The following SIX5 variants were observed in gnomAD, a reference collection of about 807,000 sequenced individuals.
SIX5 encodes SIX homeobox 5.
Under a neutral mutation model 37.1 loss-of-function variants are expected in SIX5, and 21 were observed. The ratio of observed to expected loss-of-function variants is 0.57; its 90% CI spans 0.40 to 0.81. The LOEUF (loss-of-function observed/expected upper bound fraction) is 0.81. Ranked by LOEUF, SIX5 falls within the 40% of genes least tolerant of loss-of-function variation. The probability of loss-of-function intolerance (pLI) is 0.00; values close to 1 mark genes in which losing one functional copy is unlikely to be tolerated. For missense variants in SIX5, 1,137 were observed against 1,025.1 expected (o/e 1.11, Z -1.49); for synonymous variants, 626 against 505.9 (o/e 1.24, Z -3.19).
chr19:45,765,490 G>A lies in SIX5; in HGVS notation c.*11C>T. On this transcript the variant is annotated 3_prime_UTR_variant, in exon 3 of 3. Transcript: ENST00000317578. ...CACCAATGTCGGGAGAGGCCACGGG[G>A]CCACACTGGGTCACAGTTCCAAGGG... The A allele has an allele frequency of 6.2e-7, 1 of 1,613,242 alleles. No homozygotes were observed.
At position 45,768,598 on chromosome 19, in the gene SIX5, C is replaced by T; in HGVS notation, c.247G>A (p.Gly83Ser). 1 of 1,325,786 alleles carries T rather than the reference C, an allele frequency of 7.5e-7. No individual in the cohort carries two copies. The highest frequency in any genetic ancestry group is 9.6e-7 in the Non-Finnish European group (1 of 1,047,106). The allele number at this position is 1,325,786 out of a possible 1,614,324, so 82.1% of individuals were successfully genotyped here. A position where few individuals can be genotyped will look rare whatever the true frequency, so the allele number is the denominator to read the frequency against. Residue 83 changes from glycine to serine, a missense_variant, in exon 1 of 3, where the codon GGC (glycine) becomes AGC (serine). This residue lies in a region of SIX5 where 331 missense variants were observed against 360.9 expected (regional missense o/e 0.92). Coordinates refer to ENST00000317578, the MANE Select transcript of SIX5 (RefSeq NM_175875.5). ...PPEAASEPPT[G>S]LRFSPEQVAC... ...ACCTGCTCGGGCGAGAAGCGGAGGC[C>T]CGTGGGCGGTTCGGAAGCGGCCTCG...
Position 45,765,164 on chromosome 19 carries a change from A to C in SIX5, c.*337T>G. The C allele has an allele frequency of 2.3e-6, 1 of 432,272 alleles. No individual in the cohort carries two copies. The allele number at this position is 432,272 out of a possible 1,614,324, so 26.8% of individuals were successfully genotyped here. A position where few individuals can be genotyped will look rare whatever the true frequency, so the allele number is the denominator to read the frequency against. ...CAGGGAGAGGGCTCTGGGGGCTGGA[A>C]GTCCGGCCCTGGGGCAGGGTGTTCC... On this transcript the variant is annotated 3_prime_UTR_variant, in exon 3 of 3. Coordinates refer to ENST00000317578, the MANE Select transcript of SIX5 (RefSeq NM_175875.5).
At position 45,768,158 on chromosome 19, in the gene SIX5, G is replaced by T. The variant is rs374669672; in HGVS notation, c.687C>A (p.Asp229Glu). The T allele has an allele frequency of 6.2e-6, 10 of 1,612,044 alleles. No homozygotes were observed. Among genetic ancestry groups the T allele is most frequent in the Non-Finnish European group, 8.5e-6 (10 of 1,179,634 alleles). The change falls in exon 1 of 3, where the codon GAC (aspartate) becomes GAA (glutamate). Residue 229 changes from aspartate to glutamate, a missense_variant. By Grantham distance (45) the Asp-to-Glu change is conservative. Coordinates refer to ENST00000317578, the MANE Select transcript of SIX5 (RefSeq NM_175875.5). ...TGAGTGTGGCCAGGCGGCGCTTCTCGTCCGGCGTGGGGTAGCGGTTGCCGC... is the reference window on the plus strand; with the variant it reads ...TGAGTGTGGCCAGGCGGCGCTTCTCTTCCGGCGTGGGGTAGCGGTTGCCGC... ...CYRGNRYPTPDEKRRLATLTG... is the reference protein window; with the variant it reads ...CYRGNRYPTPEEKRRLATLTG...
chr19:45,768,419 C>G lies in SIX5; in HGVS notation c.426G>C (p.Glu142Asp), dbSNP rs1434233249. 6.5e-7 allele frequency: 1 copy of G among 1,545,474 alleles called. No individual in the cohort carries two copies. Among genetic ancestry groups the G allele is most frequent in the East Asian group, 2.4e-5 (1 of 41,550 alleles). Residue 142 changes from glutamate to aspartate, a missense_variant, in exon 1 of 3, where the codon GAG becomes GAC. Transcript: ENST00000317578. ...LVAFQRGEYA[E>D]LYRLLESRPF... ...GGCGGCTCTCGAGTAGCCGGTAGAG[C>G]TCGGCGTACTCGCCCCGCTGGAAGG...
At chr19:45,766,194 G>A (rs923831439) in intron 2 of SIX5, 83 bp from the exon 3 acceptor site, 65 of 1,535,060 alleles carry the variant, frequency 4.2e-5, no homozygotes, top group Non-Finnish European at 5.4e-5. Context: ...TGCAGCTGGA[G>A]GGCGGGCGGA....
At position 45,766,955 on chromosome 19, in the gene SIX5, G is replaced by A. The variant is rs1969090145; in HGVS notation, c.1004C>T (p.Ala335Val). The change falls in exon 2 of 3, where the codon GCA becomes GTA. Residue 335 changes from alanine (A) to valine (V), a missense_variant. Transcript: ENST00000317578. ...GSFLAASGSP[A>V]VLLNGGPVII... Reference sequence around the variant, plus strand: ...GACGGGGCCCCCGTTGAGGAGCACTGCTGGGGAGCCGCTGGCTGCCAGGAA... The same window carrying A: ...GACGGGGCCCCCGTTGAGGAGCACTACTGGGGAGCCGCTGGCTGCCAGGAA... The A allele has an allele frequency of 6.3e-7, 1 of 1,585,208 alleles. No homozygotes were observed. Among genetic ancestry groups the A allele is most frequent in the East Asian group, 2.3e-5 (1 of 43,340 alleles).
At position 45,765,958 on chromosome 19, in the gene SIX5, T is replaced by C. The variant is rs1264146775; in HGVS notation, c.1763A>G (p.Lys588Arg). 4 of 1,599,164 alleles carry C rather than the reference T, an allele frequency of 2.5e-6. No individual in the cohort carries two copies. The South Asian group carries it at 3.4e-5, about 13-fold the overall frequency. Reference sequence around the variant, plus strand: ...AGGCACGGAGATGGCCGTCTCTGGCTTCAGTGGCAGGGCCAGGCCGGGGGC... The same window carrying C: ...AGGCACGGAGATGGCCGTCTCTGGCCTCAGTGGCAGGGCCAGGCCGGGGGC... The part of the protein sequence containing the change: ...PPAPGLALPL[K>R]PETAISVPEG... The change falls in exon 3 of 3, where the codon AAG becomes AGG. Residue 588 changes from lysine (K) to arginine (R), a missense_variant. Coordinates refer to ENST00000317578, the MANE Select transcript of SIX5 (RefSeq NM_175875.5).
chr19:45,768,407 T>G lies in SIX5; in HGVS notation c.438A>C (p.Leu146=). 6.4e-7 allele frequency: 1 copy of G among 1,560,276 alleles called. No individual in the cohort carries two copies. Among genetic ancestry groups the G allele is most frequent in the Non-Finnish European group, 8.6e-7 (1 of 1,160,164 alleles). ...QRGEYAELYR[L]LESRPFPAAH... ...CGGCGGGGAAGGGGCGGCTCTCGAG[T>G]AGCCGGTAGAGCTCGGCGTACTCGC... is the stretch of plus-strand genomic sequence containing the variant. Residue 146 remains leucine (L), a synonymous_variant, in exon 1 of 3, where the codon CTA becomes CTC. Coordinates refer to ENST00000317578, the MANE Select transcript of SIX5 (RefSeq NM_175875.5).
At position 45,768,964 on chromosome 19, in the gene SIX5, T is replaced by TG. The variant is rs1969163502; in HGVS notation, c.-121dup. 9.4e-6 allele frequency: 9 copies of TG among 959,360 alleles called. No homozygotes were observed. The highest frequency in any genetic ancestry group is 1.2e-5 in the Non-Finnish European group (8 of 658,326). 59.4% of individuals were successfully genotyped at this position (959,360 alleles called of 1,614,324 possible). A position where few individuals can be genotyped will look rare whatever the true frequency, so the allele number is the denominator to read the frequency against. On this transcript the variant is annotated 5_prime_UTR_variant, in exon 1 of 3. Coordinates refer to ENST00000317578, the MANE Select transcript of SIX5 (RefSeq NM_175875.5). The stretch of plus-strand genomic sequence containing the variant: ...TCCCCGCTCTTCTCGATCTTCTTTC[T>TG]GGCCGACCCTGCGCCCCACGCCGGG...
In SIX5 at chr19:45,768,970, A is replaced by G; in HGVS notation, c.-126T>C. 6.7e-6 allele frequency: 6 copies of G among 897,542 alleles called. No individual in the cohort carries two copies. Among genetic ancestry groups the G allele is most frequent in the Non-Finnish European group, 3.2e-6 (2 of 620,616 alleles). 55.6% of individuals were successfully genotyped at this position (897,542 alleles called of 1,614,324 possible). ...CTCTTCTCGATCTTCTTTCTGGCCG[A>G]CCCTGCGCCCCACGCCGGGAAGGCG... is the stretch of plus-strand genomic sequence containing the variant. On this transcript the variant is annotated 5_prime_UTR_variant, in exon 1 of 3. Coordinates refer to ENST00000317578, the MANE Select transcript of SIX5 (RefSeq NM_175875.5).
Position 45,765,649 on chromosome 19 carries a change from T to TG in SIX5, c.2071dup (p.His691ProfsTer12), listed in dbSNP as rs1568563434. On this transcript the variant is annotated frameshift_variant, in exon 3 of 3. Transcript: ENST00000317578. LOFTEE classifies it high-confidence loss of function. ...GGGGTCTGGCAGCCTCAGCACGGTG[T>TG]GGGGGGCCTGTGTCCCCAGCCCCTT... 2.5e-6 allele frequency: 4 copies of TG among 1,612,504 alleles called. No individual in the cohort carries two copies. Among genetic ancestry groups the TG allele is most frequent in the Admixed American group, 1.7e-5 (1 of 60,018 alleles).
intron 1 of SIX5, 25 bp from the exon 2 acceptor site, chr19:45,767,180 T>G: frequency 1.9e-6 from 3 of 1,606,262 alleles, no homozygotes; most frequent in Non-Finnish European, 2.5e-6. Context: ...GGCTGTCAGC[T>G]GGGGTCCCTT....
intron 2 of SIX5, 82 bp from the exon 3 acceptor site, chr19:45,766,193 A>G (rs1192422722): frequency 1.8e-5 from 27 of 1,535,832 alleles, no homozygotes; most frequent in Non-Finnish European, 2.4e-5. Flanking sequence ...GTGCAGCTGG[A>G]GGGCGGGCGG....
At chr19:45,766,200 G>A in intron 2 of SIX5, 89 bp from the exon 3 acceptor site, 4 of 1,522,832 alleles carry the variant, frequency 2.6e-6, no homozygotes, top group Non-Finnish European at 3.5e-6. Flanking sequence ...TGGAGGGCGG[G>A]CGGAGGGAGC....
Position 45,767,055 on chromosome 19 carries a change from C to A in SIX5, c.904G>T (p.Gly302Cys), listed in dbSNP as rs749373466. The change falls in exon 2 of 3, where the codon GGC (glycine) becomes TGC (cysteine). Residue 302 changes from glycine to cysteine, a missense_variant. Gly to Cys is a radical substitution (Grantham distance 159, BLOSUM62 -3). Around this residue, in one of 3 missense-constraint regions of SIX5, gnomAD observed 787 missense variants for 621.4 expected, o/e 1.27. Transcript: ENST00000317578. ...APVSAEAAAQ[G>C]SIFLAGTGPP... ...CCGGTCCCTGCCAGGAATATGGAGCCCTGGGCAGCGGCCTCGGCGGACACT... is the reference window on the plus strand; with the variant it reads ...CCGGTCCCTGCCAGGAATATGGAGCACTGGGCAGCGGCCTCGGCGGACACT... The A allele has an allele frequency of 1.2e-6, 2 of 1,609,148 alleles. No individual in the cohort carries two copies. Among genetic ancestry groups the A allele is most frequent in the South Asian group, 2.2e-5 (2 of 90,996 alleles).
Position 45,768,318 on chromosome 19 carries a change from C to T in SIX5, c.527G>A (p.Arg176His). ...RARYHEAERARGRALGAVDKY... is the reference protein window; with the variant it reads ...RARYHEAERAHGRALGAVDKY... ...GTCCACTGCGCCAAGCGCGCGGCCG[C>T]GGGCCCGCTCGGCCTCATGGTAGCG... The change falls in exon 1 of 3, where the codon CGC becomes CAC. Residue 176 changes from arginine to histidine, a missense_variant. Coordinates refer to ENST00000317578, the MANE Select transcript of SIX5 (RefSeq NM_175875.5). The T allele has an allele frequency of 2.5e-6, 4 of 1,606,792 alleles. No individual in the cohort carries two copies. The highest frequency in any genetic ancestry group is 3.4e-6 in the Non-Finnish European group (4 of 1,177,308).
In SIX5 at chr19:45,768,416, G is replaced by A. The variant is rs756660570; in HGVS notation, c.429C>T (p.Leu143=). ...AGGGGCGGCTCTCGAGTAGCCGGTA[G>A]AGCTCGGCGTACTCGCCCCGCTGGA... ...VAFQRGEYAE[L]YRLLESRPFP... Residue 143 remains leucine, a synonymous_variant, in exon 1 of 3, where the codon CTC becomes CTT. Transcript: ENST00000317578. 2.6e-6 allele frequency: 4 copies of A among 1,551,572 alleles called. No individual in the cohort carries two copies. The highest frequency in any genetic ancestry group is 3.5e-6 in the Non-Finnish European group (4 of 1,155,860).
chr19:45,768,127 G>A lies in SIX5; in HGVS notation c.718C>T (p.Leu240=), dbSNP rs750553842. 9 of 1,609,318 alleles carry A rather than the reference G, an allele frequency of 5.6e-6. No homozygotes were observed. The highest frequency in any genetic ancestry group is 1.7e-4 in the Middle Eastern group (1 of 6,038). The change falls in exon 1 of 3, where the codon CTG becomes TTG. Residue 240 remains leucine, a synonymous_variant. Coordinates refer to ENST00000317578, the MANE Select transcript of SIX5 (RefSeq NM_175875.5). ...EKRRLATLTG[L]SLTQVSNWFK... is the part of the protein sequence containing the mutation. Reference sequence around the variant, plus strand: ...CAGTTGCTGACCTGCGTGAGCGACAGGCCGGTGAGTGTGGCCAGGCGGCGC... The same window carrying A: ...CAGTTGCTGACCTGCGTGAGCGACAAGCCGGTGAGTGTGGCCAGGCGGCGC...
At position 45,766,706 on chromosome 19, in the gene SIX5, C is replaced by T; in HGVS notation, c.1253G>A (p.Gly418Glu). ...GGCCAGGGGCCCCAGGACCTCCTCT[C>T]CAAGGGCTGGTCCCGGAGCAGCCAC... Reference protein sequence around the residue: ...AQVAAPGPALGEEVLGPLAQV... With the variant: ...AQVAAPGPALEEEVLGPLAQV... The change falls in exon 2 of 3, where the codon GGA becomes GAA. Residue 418 changes from glycine (G) to glutamate (E), a missense_variant. Gly to Glu is a moderately conservative substitution (Grantham distance 98). Coordinates refer to ENST00000317578, the MANE Select transcript of SIX5 (RefSeq NM_175875.5). 2 of 1,547,382 alleles carry T rather than the reference C, an allele frequency of 1.3e-6. No individual in the cohort carries two copies. The highest frequency in any genetic ancestry group is 1.7e-6 in the Non-Finnish European group (2 of 1,148,436).
Sources: gnomAD v4.1 joint callset for allele counts on GRCh38, gnomAD v4.1.1 for gene constraint, gnomAD v4.1.1 regional missense constraint, MANE v1.5 for transcripts, NCBI Gene and HGNC (gene_info 2026-07-23, HGNC 2026-07-21) for gene names.